ADAM23: variants seen among roughly 807,000 people sequenced by gnomAD.
The protein encoded by ADAM23 is disintegrin and metalloproteinase domain-containing protein 23.
A neutral mutation model predicts 120.1 loss-of-function variants in ADAM23; 33 were observed. The observed-to-expected ratio is 0.27, with a 90% confidence interval of 0.21 to 0.37. The LOEUF (loss-of-function observed/expected upper bound fraction) is 0.37, where lower values mean the gene tolerates loss of function less well. Ranked by LOEUF, ADAM23 falls within the 10% of genes least tolerant of loss-of-function variation. ADAM23 has a pLI of 1.00. For missense variants in ADAM23, 862 were observed against 1,058.2 expected, an observed-to-expected ratio of 0.81 and a Z score of 2.57; for synonymous variants, 367 against 375.2, an observed-to-expected ratio of 0.98 and a Z score of 0.25.
intron 24 of ADAM23, among the ~76,000 whole-genome samples, chr2:206,609,274 A>G (rs1698785794): frequency 6.6e-6 from 1 of 152,152 alleles, no homozygotes; most frequent in Admixed American, 6.5e-5. Flanking sequence ...AAATTACCCA[A>G]ATGAGATTTA....
At chr2:206,562,523 T>G (rs2105823574) in intron 13 of ADAM23, among the ~76,000 whole-genome samples, 1 of 152,292 alleles carries the variant, frequency 6.6e-6, no homozygotes. Context: ...TCTCCGGGAA[T>G]GAGTCAGCTC....
intron 3 of ADAM23, among the ~76,000 whole-genome samples, chr2:206,499,844 A>T (rs1052643448): frequency 8.6e-5 from 13 of 152,040 alleles, no homozygotes; most frequent in Non-Finnish European, 1.9e-4. Context: ...CGTTTGATTC[A>T]GTGAACTATG....
At chr2:206,616,807 G>A (rs1419578079) in intron 25 of ADAM23, among the ~76,000 whole-genome samples, 1 of 152,112 alleles carries the variant, frequency 6.6e-6, no homozygotes, top group African/African-American at 2.4e-5. Flanking sequence ...ACCATGGGGA[G>A]GTTGCAACCA....
At chr2:206,464,482 G>A in intron 2 of ADAM23, among the ~76,000 whole-genome samples, 1 of 152,022 alleles carries the variant, frequency 6.6e-6, no homozygotes, top group Non-Finnish European at 1.5e-5. Flanking sequence ...GGCTGAGGCA[G>A]GATAATCACT....
intron 2 of ADAM23, among the ~76,000 whole-genome samples, chr2:206,478,874 T>A (rs942400897): frequency 3.3e-5 from 5 of 152,236 alleles, no homozygotes; most frequent in African/African-American, 1.2e-4. Context: ...TTTTGAGTTG[T>A]TGTTCAAATA....
chr2:206,482,438 T>C (rs762060165), intron 3 of ADAM23, among the ~76,000 whole-genome samples: 6 of 152,184 alleles, frequency 3.9e-5, no homozygotes, highest in Non-Finnish European at 5.9e-5. Context: ...TTCCTTTAAC[T>C]CTTACTGCGG....
intron 25 of ADAM23, among the ~76,000 whole-genome samples, chr2:206,615,148 A>G (rs1250724327): frequency 6.6e-6 from 1 of 152,246 alleles, no homozygotes; most frequent in Non-Finnish European, 1.5e-5. Flanking sequence ...TGTTACTGAA[A>G]GAGTCTTGCT....
At chr2:206,528,996 C>G (rs1696995924) in intron 3 of ADAM23, among the ~76,000 whole-genome samples, 1 of 152,182 alleles carries the variant, frequency 6.6e-6, no homozygotes, top group Non-Finnish European at 1.5e-5. Context: ...AGAGCCCAAA[C>G]AGGAACCTAG....
rs558457002 is a variant in ADAM23 at position 206,539,254 on chromosome 2, C to T, written c.574-2798C>T. Among the ~76,000 whole-genome samples the T allele has an allele frequency of 3.3e-5, 5 of 152,246 alleles. No individual in the cohort carries two copies. The South Asian group carries it at 1.0e-3, about 32-fold the overall frequency. The stretch of plus-strand genomic sequence containing the variant: ...CAATAACTTCCACTTATCAGATGCT[C>T]CATTTCTGTTGAATTTAATTAACTG... On this transcript the variant is annotated intron_variant, in intron 4 of 25. Transcript: ENST00000264377.
rs1451526218 is a variant in ADAM23 at position 206,444,043 on chromosome 2, G to T, written c.177G>T (p.Ser59=). ...TCCTGCTGCCTCCGCTCGCCGCCTC[G>T]TCCCGGCCCCGCGCCTGGGGGGCTG... ...VLLLLPPLAA[S]SRPRAWGAAA... The change falls in exon 1 of 26, where the codon TCG becomes TCT. Residue 59 remains serine (S), a synonymous_variant. Coordinates refer to ENST00000264377, the MANE Select transcript of ADAM23 (RefSeq NM_003812.4). The T allele has an allele frequency of 7.1e-6, 10 of 1,402,870 alleles. No individual in the cohort carries two copies. Among genetic ancestry groups the T allele is most frequent in the Non-Finnish European group, 9.3e-6 (10 of 1,075,380 alleles). 86.9% of individuals were successfully genotyped at this position (1,402,870 alleles called of 1,614,324 possible). A position where few individuals can be genotyped will look rare whatever the true frequency, so the allele number is the denominator to read the frequency against.
rs1213904650 is a variant in ADAM23 at position 206,456,333 on chromosome 2, A to G, written c.432+10809A>G. Among the ~76,000 whole-genome samples the G allele has an allele frequency of 2.0e-5, 3 of 152,096 alleles. No homozygotes were observed. In the East Asian group the frequency reaches 5.8e-4, roughly 30 times the overall value. On this transcript the variant is annotated intron_variant, in intron 2 of 25. Coordinates refer to ENST00000264377, the MANE Select transcript of ADAM23 (RefSeq NM_003812.4). The stretch of plus-strand genomic sequence containing the variant: ...CTCTCATGAGAACAGCATGAGGGAA[A>G]TCCACCCCCGAGATCCAATCACCTC...
intron 2 of ADAM23, among the ~76,000 whole-genome samples, chr2:206,453,934 A>G (rs368476583): frequency 6.6e-6 from 1 of 152,250 alleles, no homozygotes; most frequent in South Asian, 2.1e-4. Context: ...ATTGTGAAAG[A>G]TGTTTGTTAC....
intron 2 of ADAM23, among the ~76,000 whole-genome samples, chr2:206,453,367 A>G (rs1270440661): frequency 6.6e-6 from 1 of 152,236 alleles, no homozygotes; most frequent in African/African-American, 2.4e-5. Context: ...TAAGATCTGA[A>G]TAATTAATTG....
chr2:206,559,844 C>T, intron 10 of ADAM23, 111 bp from the exon 11 acceptor site: 1 of 860,704 alleles, frequency 1.2e-6, no homozygotes, highest in Non-Finnish European at 1.7e-6. Context: ...TAATTATGAC[C>T]CCGTGTTCTC....
At chr2:206,521,475 T>A (rs1429681596) in intron 3 of ADAM23, among the ~76,000 whole-genome samples, 3 of 152,178 alleles carry the variant, frequency 2.0e-5, no homozygotes, top group African/African-American at 7.2e-5. Context: ...GGTTTCGTCT[T>A]AAAATGGCAG....
chr2:206,504,995 G>A (rs1696467169), intron 3 of ADAM23, among the ~76,000 whole-genome samples: 1 of 152,230 alleles, frequency 6.6e-6, no homozygotes, highest in Non-Finnish European at 1.5e-5. Context: ...TTCTGGGACT[G>A]AGAATATGTT....
intron 3 of ADAM23, among the ~76,000 whole-genome samples, chr2:206,486,433 A>G (rs982024019): frequency 1.3e-5 from 2 of 152,074 alleles, no homozygotes; most frequent in African/African-American, 4.8e-5. Flanking sequence ...TGTTAGAGCA[A>G]CAATTCTTAA....
intron 11 of ADAM23, among the ~76,000 whole-genome samples, chr2:206,560,881 G>A (rs1185625095): frequency 1.3e-5 from 2 of 152,114 alleles, no homozygotes; most frequent in African/African-American, 4.8e-5. Context: ...TTATCTTGGT[G>A]TTTTCAATTC....
chr2:206,531,416 T>TC (rs1429532226), intron 4 of ADAM23, among the ~76,000 whole-genome samples: 1 of 152,174 alleles, frequency 6.6e-6, no homozygotes, highest in Non-Finnish European at 1.5e-5. Flanking sequence ...ATGTTATTAT[T>TC]CCTGCTGTAC....
Sources: allele counts gnomAD v4.1 joint callset (sites outside exome capture counted in the v4.1 genomes callset), GRCh38; gene constraint gnomAD v4.1.1; transcripts MANE v1.5; gene names NCBI Gene and HGNC (gene_info 2026-07-23, HGNC 2026-07-21).